Variants in TRPV4 observed in about 807,000 individuals in gnomAD.
TRPV4 encodes transient receptor potential cation channel subfamily V member 4.
TRPV4 carries 58 observed loss-of-function variants against 84.1 expected under a neutral mutation model. The observed-to-expected ratio is 0.69, with a 90% CI of 0.56 to 0.86. The LOEUF (loss-of-function observed/expected upper bound fraction) is 0.86. Ranked by LOEUF, TRPV4 falls within the 40% of genes least tolerant of loss-of-function variation. The pLI, the probability that TRPV4 is intolerant of heterozygous loss-of-function variation, is 0.00. For missense variants in TRPV4, 879 were observed against 1,181.1 expected, an observed-to-expected ratio of 0.74 and a Z score of 3.75; for synonymous variants, 489 against 500.9, an observed-to-expected ratio of 0.98 and a Z score of 0.32.
rs983199152 is a variant in TRPV4, at chr12:109,814,019, T to C, written c.386+392A>G. On this transcript the variant is annotated intron_variant, in intron 2 of 15. Coordinates refer to ENST00000261740, the MANE Select transcript of TRPV4 (RefSeq NM_021625.5). This position sits in a 1 kb window ranked among gnomAD's most constrained non-coding sequence, Gnocchi z 5.4. Reference sequence around the variant, plus strand: ...GATGGTTGGATAGATGGATAGATGATAGATGGCTGGATGATGGATGGATGT... The same window carrying C: ...GATGGTTGGATAGATGGATAGATGACAGATGGCTGGATGATGGATGGATGT... Among the ~76,000 whole-genome samples, 1 of 151,590 alleles carries C rather than the reference T, an allele frequency of 6.6e-6. No homozygotes were observed. The highest frequency in any genetic ancestry group is 2.4e-5 in the African/African-American group (1 of 41,242).
intron 1 of TRPV4, among the ~76,000 whole-genome samples, chr12:109,816,072 G>A (rs1891829672): frequency 6.6e-6 from 1 of 152,210 alleles, no homozygotes; most frequent in Admixed American, 6.5e-5. Flanking sequence ...GCCCTCTCTT[G>A]TACATCTCAC....
chr12:109,793,526 C>G lies in TRPV4; in HGVS notation c.1658+1G>C. The G allele has an allele frequency of 6.2e-7, 1 of 1,613,762 alleles. No individual in the cohort carries two copies. The highest frequency in any genetic ancestry group is 8.5e-7 in the Non-Finnish European group (1 of 1,179,786). On this transcript the variant is annotated splice_donor_variant, in intron 10 of 15. Coordinates refer to ENST00000261740, the MANE Select transcript of TRPV4 (RefSeq NM_021625.5). LOFTEE classifies it high-confidence loss of function. This position sits in a 1 kb window ranked among gnomAD's most constrained non-coding sequence, Gnocchi z 4.0. ...CTGCCGGCCCAGGGACCTCTACTCA[C>G]TAGAGCAGCTGGAAGGAGCCATCAA...
chr12:109,790,206 G>A (rs1400716059), intron 12 of TRPV4, among the ~76,000 whole-genome samples: 2 of 152,200 alleles, frequency 1.3e-5, no homozygotes, highest in South Asian at 2.1e-4. Context: ...ACTATCGTGG[G>A]TTAAAATATC....
In TRPV4 at chr12:109,808,289, G is replaced by A. The variant is rs768330227; in HGVS notation, c.559+7C>T. On this transcript the variant is annotated splice_region_variant and intron_variant, in intron 3 of 15. Transcript: ENST00000261740. ...TCCCACTGGCTATGCCCATCTGGGTGGCTCACCTCGAAACTCCTCATCAGT... is the reference window on the plus strand; with the variant it reads ...TCCCACTGGCTATGCCCATCTGGGTAGCTCACCTCGAAACTCCTCATCAGT... The A allele has an allele frequency of 6.2e-7, 1 of 1,614,038 alleles. No homozygotes were observed. Among genetic ancestry groups the A allele is most frequent in the South Asian group, 1.1e-5 (1 of 91,038 alleles).
chr12:109,825,592 A>G (rs896162923), intron 1 of TRPV4, among the ~76,000 whole-genome samples: 1 of 151,804 alleles, frequency 6.6e-6, no homozygotes, highest in African/African-American at 2.4e-5. Context: ...GACTGCAGAG[A>G]CCTCACCTTT....
Position 109,796,673 on chromosome 12 carries a change from G to A in TRPV4, c.1184C>T (p.Thr395Met), listed in dbSNP as rs374197231. The A allele has an allele frequency of 1.6e-5, 26 of 1,613,536 alleles. No homozygotes were observed. Among genetic ancestry groups the A allele is most frequent in the East Asian group, 6.7e-5 (3 of 44,868 alleles). Reference protein sequence around the residue: ...IFQHIIRREVTDEDTRHLSRK... With the variant: ...IFQHIIRREVMDEDTRHLSRK... ...GGACAGGTGCCGTGTGTCCTCATCC[G>A]TCACCTCCCGCCGGATGATGTGCTG... Residue 395 changes from threonine (T) to methionine (M), a missense_variant, in exon 7 of 16, where the codon ACG (threonine) becomes ATG (methionine). Physicochemically the swap from Thr to Met is moderately conservative, Grantham distance 81. This residue lies in a region of TRPV4 where 521 missense variants were observed against 686.6 expected (regional missense o/e 0.76). Transcript: ENST00000261740. The surrounding 1 kb of genome is among the most constrained non-coding windows in gnomAD (Gnocchi z 4.2).
chr12:109,792,313 C>T, intron 12 of TRPV4, 50 bp downstream of exon 12: 4 of 1,523,870 alleles, frequency 2.6e-6, no homozygotes, highest in Non-Finnish European at 3.6e-6. Context: ...GGCTACTGTT[C>T]CCGTCCTTGC....
At chr12:109,794,547 G>GT in intron 7 of TRPV4, 60 bp from the exon 8 acceptor site, 1 of 1,588,070 alleles carries the variant, frequency 6.3e-7, no homozygotes, top group Non-Finnish European at 8.6e-7. Context: ...GTCCAGGCAG[G>GT]CTGCCTCGGG....
At chr12:109,794,193 G>A in intron 8 of TRPV4, 136 bp downstream of exon 8, 1 of 1,245,736 alleles carries the variant, frequency 8.0e-7, no homozygotes, top group Non-Finnish European at 1.1e-6. Flanking sequence ...GGATGCTGGA[G>A]GGCGCCTCCC....
intron 1 of TRPV4, among the ~76,000 whole-genome samples, chr12:109,822,300 C>T (rs1321933245): frequency 6.6e-6 from 1 of 152,142 alleles, no homozygotes; most frequent in Non-Finnish European, 1.5e-5. Flanking sequence ...GCTTCTACCT[C>T]CCTCCACCCT....
intron 1 of TRPV4, among the ~76,000 whole-genome samples, chr12:109,822,029 A>C (rs925939323): frequency 1.3e-5 from 2 of 152,114 alleles, no homozygotes; most frequent in African/African-American, 4.8e-5. Flanking sequence ...GAGCAAGGGC[A>C]GCCAGAATCC....
chr12:109,784,797 C>T (rs1050026910), intron 14 of TRPV4, among the ~76,000 whole-genome samples: 3 of 145,248 alleles, frequency 2.1e-5, no homozygotes, highest in Non-Finnish European at 4.5e-5. Flanking sequence ...GCCGAGATCA[C>T]GCCACTGCAC....
At chr12:109,799,441 GC>G (rs1341743412) in intron 5 of TRPV4, among the ~76,000 whole-genome samples, 2 of 152,188 alleles carry the variant, frequency 1.3e-5, no homozygotes, top group African/African-American at 4.8e-5. Context: ...GAGCCACCGC[GC>G]CCAGCTGATG....
At chr12:109,804,384 C>T (rs1270653188) in intron 3 of TRPV4, among the ~76,000 whole-genome samples, 1 of 152,114 alleles carries the variant, frequency 6.6e-6, no homozygotes, top group Non-Finnish European at 1.5e-5. Flanking sequence ...AAGCCAGGCA[C>T]CTCAGGTTTG....
rs11068432 is a variant in TRPV4 at position 109,815,890 on chromosome 12, C to G, written c.-31-1063G>C. Among the ~76,000 whole-genome samples, 1,388 of 152,354 alleles carry G rather than the reference C, an allele frequency of 9.1e-3. 18 individuals carry two copies. The highest frequency in any genetic ancestry group is 0.032 in the African/African-American group (1,330 of 41,574). On this transcript the variant is annotated intron_variant, in intron 1 of 15. Coordinates refer to ENST00000261740, the MANE Select transcript of TRPV4 (RefSeq NM_021625.5). The surrounding 1 kb of genome is among the most constrained non-coding windows in gnomAD (Gnocchi z 4.1). ...ACTTGAACCATGTCTCTCTGGCTCC[C>G]GGGTCCAGTGCTTAGCCAGGAGCCA...
At chr12:109,800,578 T>C (rs1168273582) in intron 5 of TRPV4, 40 bp downstream of exon 5, 1 of 1,612,184 alleles carries the variant, frequency 6.2e-7, no homozygotes, top group Non-Finnish European at 8.5e-7. Flanking sequence ...CCGCCATGCT[T>C]CTCCAGCATG....
intron 1 of TRPV4, among the ~76,000 whole-genome samples, chr12:109,820,197 A>C (rs550254115): frequency 6.6e-6 from 1 of 152,286 alleles, no homozygotes; most frequent in East Asian, 1.9e-4. Context: ...ATCAAGCAGC[A>C]GAGTCATGTC....
chr12:109,786,576 A>G lies in TRPV4; in HGVS notation c.2336+134T>C. 8.5e-7 allele frequency: 1 copy of G among 1,176,674 alleles called. No individual in the cohort carries two copies. The highest frequency in any genetic ancestry group is 1.2e-6 in the Non-Finnish European group (1 of 826,392). 72.9% of individuals were successfully genotyped at this position (1,176,674 alleles called of 1,614,324 possible). A position where few individuals can be genotyped will look rare whatever the true frequency, so the allele number is the denominator to read the frequency against. ...TGCCTGAGATCGCCTGGTGGAAATG[A>G]ACTCTGCTCGGGCCTCTTGGGGCCT... On this transcript the variant is annotated intron_variant, in intron 14 of 15. Transcript: ENST00000261740. The surrounding 1 kb of genome is among the most constrained non-coding windows in gnomAD (Gnocchi z 4.5).
chr12:109,784,840 C>CAAAA (rs11443576), intron 14 of TRPV4, among the ~76,000 whole-genome samples: 1 of 83,806 alleles, frequency 1.2e-5, no homozygotes, highest in East Asian at 3.4e-4. Context: ...GACTCCATCT[C>CAAAA]AAAAAAAAAA....
Sources: allele counts gnomAD v4.1 joint callset (sites outside exome capture counted in the v4.1 genomes callset), GRCh38; gene constraint gnomAD v4.1.1; regional missense constraint gnomAD v4.1.1; non-coding constraint Gnocchi (gnomAD v3.1); transcripts MANE v1.5; gene names NCBI Gene and HGNC (gene_info 2026-07-23, HGNC 2026-07-21).